LIG3: variants seen among roughly 807,000 people sequenced by gnomAD.
LIG3 encodes ligase II, DNA, ATP-dependent.
LIG3 carries 58 observed loss-of-function variants against 110.9 expected under a neutral mutation model. The observed-to-expected ratio is 0.52, with a 90% CI of 0.42 to 0.65. The LOEUF is 0.65. LIG3 is among the 30% of genes least tolerant of loss of function. The pLI, the probability that LIG3 is intolerant of heterozygous loss-of-function variation, is 0.00. For synonymous variants in LIG3, 422 were observed against 472.8 expected, an observed-to-expected ratio of 0.89 and a Z score of 1.39; for missense variants, 1,094 against 1,273.8, an observed-to-expected ratio of 0.86 and a Z score of 2.15.
chr17:35,003,138 T>C, intron 19 of LIG3: 2 of 1,575,250 alleles, frequency 1.3e-6, no homozygotes, highest in Non-Finnish European at 1.7e-6. Context: ...AAGACCAGTC[T>C]GGGTGTGGGA....
chr17:35,002,428 CCCTGGT>C (rs2090853077), intron 18 of LIG3, among the ~76,000 whole-genome samples: 1 of 152,144 alleles, frequency 6.6e-6, no homozygotes, highest in Admixed American at 6.5e-5. Flanking sequence ...CAGAGAAAGC[CCCTGGT>C]CCTTCCCATT....
Position 35,005,506 on chromosome 17 carries a change from G to T in LIG3, c.*1000G>T. On this transcript the variant is annotated 3_prime_UTR_variant, in exon 20 of 20. Coordinates refer to ENST00000378526, the MANE Select transcript of LIG3 (RefSeq NM_013975.4). ...TGAACGTGGGCATCAGAGGCCAGTA[G>T]CTTTCTTGGCCTACAAAGTAAATGG... The T allele has an allele frequency of 1.8e-6, 1 of 568,402 alleles. No individual in the cohort carries two copies. The allele number at this position is 568,402 out of a possible 1,614,324, so 35.2% of individuals were successfully genotyped here. A position where few individuals can be genotyped will look rare whatever the true frequency, so the allele number is the denominator to read the frequency against.
intron 2 of LIG3, among the ~76,000 whole-genome samples, chr17:34,985,680 C>T (rs2090647347): frequency 6.6e-6 from 1 of 152,144 alleles, no homozygotes; most frequent in Non-Finnish European, 1.5e-5. Context: ...TGATTTCCCC[C>T]AAATTGTTAT....
At position 35,001,333 on chromosome 17, in the gene LIG3, G is replaced by A. The variant is rs1458329738; in HGVS notation, c.2408G>A (p.Arg803Gln). ...EAHTADGISI[R>Q]FPRCTRIRDD... ...CATACAGCTGACGGGATCTCCATCC[G>A]ATTCCCTCGCTGCACCCGAATCCGA... Residue 803 changes from arginine to glutamine, a missense_variant, in exon 17 of 20, where the codon CGA becomes CAA. Transcript: ENST00000378526. 17 of 1,614,142 alleles carry A rather than the reference G, an allele frequency of 1.1e-5. No individual in the cohort carries two copies. The highest frequency in any genetic ancestry group is 3.3e-5 in the Admixed American group (2 of 60,024).
Position 34,991,642 on chromosome 17 carries a change from A to C in LIG3, c.1042-29A>C, listed in dbSNP as rs777976936. The C allele has an allele frequency of 3.1e-6, 5 of 1,610,992 alleles. No homozygotes were observed. In the Admixed American group the frequency reaches 8.3e-5, roughly 27 times the overall value. ...ATACACTTGGCCACCCTAGGGTTGCAGCAGTGGCATTTTGGTTTTTGGAGA... is the reference window on the plus strand; with the variant it reads ...ATACACTTGGCCACCCTAGGGTTGCCGCAGTGGCATTTTGGTTTTTGGAGA... On this transcript the variant is annotated intron_variant, in intron 5 of 19. Transcript: ENST00000378526.
In LIG3 at chr17:35,007,354, T is replaced by A. The variant is rs886666525; in HGVS notation, c.*2848T>A. ...TGAGATCTGACTGTATATACTATTT[T>A]GTATCCTTTCATGTATTTCTTTCAT... On this transcript the variant is annotated 3_prime_UTR_variant, in exon 20 of 20. Transcript: ENST00000378526. 1 of 152,278 alleles carries A rather than the reference T, an allele frequency of 6.6e-6. No individual in the cohort carries two copies. Among genetic ancestry groups the A allele is most frequent in the Non-Finnish European group, 1.5e-5 (1 of 68,058 alleles). 9.4% of individuals were successfully genotyped at this position (152,278 alleles called of 1,614,324 possible).
chr17:34,999,237 T>C, intron 14 of LIG3, 70 bp from the exon 15 acceptor site: 1 of 1,532,390 alleles, frequency 6.5e-7, no homozygotes, highest in Non-Finnish European at 8.8e-7. Flanking sequence ...GTCCTCTCCC[T>C]GGCCCTGGGC....
intron 9 of LIG3, among the ~76,000 whole-genome samples, chr17:34,995,536 C>A (rs769747465): frequency 2.0e-5 from 3 of 152,164 alleles, no homozygotes; most frequent in Non-Finnish European, 4.4e-5. Context: ...CATGGATGTG[C>A]TGGCCTTTCC....
At chr17:34,991,170 A>G (rs919629679) in intron 5 of LIG3, 56 bp downstream of exon 5, 1 of 1,530,262 alleles carries the variant, frequency 6.5e-7, no homozygotes. Context: ...TTGCCAAGCC[A>G]GGCACCTGCA....
rs771651645 is a variant in LIG3, at chr17:34,989,463, C to T, written c.692-3C>T. ...GAATTCATCTCTGTTGTTTCTCCAACAGCCAAGCCCAACAACTCTGGGGAA... is the reference window on the plus strand; with the variant it reads ...GAATTCATCTCTGTTGTTTCTCCAATAGCCAAGCCCAACAACTCTGGGGAA... On this transcript the variant is annotated splice_polypyrimidine_tract_variant and splice_region_variant and intron_variant, in intron 3 of 19. Transcript: ENST00000378526. 1.9e-6 allele frequency: 3 copies of T among 1,613,206 alleles called. No homozygotes were observed. The highest frequency in any genetic ancestry group is 2.2e-5 in the East Asian group (1 of 44,862).
At position 34,989,502 on chromosome 17, in the gene LIG3, C is replaced by T; in HGVS notation, c.728C>T (p.Pro243Leu). The change falls in exon 4 of 20, where the codon CCC becomes CTC. Residue 243 changes from proline (P) to leucine (L), a missense_variant. Pro to Leu is a moderately conservative substitution (Grantham distance 98). Coordinates refer to ENST00000378526, the MANE Select transcript of LIG3 (RefSeq NM_013975.4). Reference sequence around the variant, plus strand: ...AACTCTGGGGAAGCCCCCTCGAGCCCCACCCCTAAGAGAAGTCTGTCTTCA... The same window carrying T: ...AACTCTGGGGAAGCCCCCTCGAGCCTCACCCCTAAGAGAAGTCTGTCTTCA... ...PNNSGEAPSS[P>L]TPKRSLSSSK... is the part of the protein sequence containing the mutation. The T allele has an allele frequency of 1.2e-6, 2 of 1,614,072 alleles. No individual in the cohort carries two copies. Among genetic ancestry groups the T allele is most frequent in the Non-Finnish European group, 1.7e-6 (2 of 1,180,020 alleles).
At chr17:34,999,968 C>T (rs2142280295) in intron 16 of LIG3, 112 bp downstream of exon 16, 1 of 806,114 alleles carries the variant, frequency 1.2e-6, no homozygotes, top group African/African-American at 1.7e-5. Flanking sequence ...GGATAGGGGT[C>T]TGGATTTCCA....
At chr17:34,992,808 A>T (rs367798632) in intron 8 of LIG3, 116 bp downstream of exon 8, 1 of 1,072,262 alleles carries the variant, frequency 9.3e-7, no homozygotes. Flanking sequence ...GGAGAAGTTT[A>T]GGGAAGGAAG....
At chr17:34,987,691 C>T (rs1460648728) in intron 3 of LIG3, among the ~76,000 whole-genome samples, 3 of 152,200 alleles carry the variant, frequency 2.0e-5, no homozygotes, top group African/African-American at 7.2e-5. Flanking sequence ...GCAGCAGTGG[C>T]CTCTCCTACC....
intron 2 of LIG3, 77 bp downstream of exon 2, chr17:34,983,629 CTCT>C (rs2090627948): frequency 7.3e-7 from 1 of 1,372,072 alleles, no homozygotes. Flanking sequence ...TGCTTTCTTT[CTCT>C]TTTTTTTAAC....
intron 3 of LIG3, 22 bp downstream of exon 3, chr17:34,986,153 T>G: frequency 6.2e-7 from 1 of 1,612,192 alleles, no homozygotes; most frequent in Non-Finnish European, 8.5e-7. Context: ...TAGGGCTACT[T>G]TAGCTGTTAT....
At position 35,005,314 on chromosome 17, in the gene LIG3, C is replaced by T. The variant is rs866616611; in HGVS notation, c.*808C>T. The T allele has an allele frequency of 1.5e-5, 8 of 546,700 alleles. No homozygotes were observed. Among genetic ancestry groups the T allele is most frequent in the Middle Eastern group, 3.1e-4 (1 of 3,220 alleles). 33.9% of individuals were successfully genotyped at this position (546,700 alleles called of 1,614,324 possible). Reference sequence around the variant, plus strand: ...TTGCCACCAACATGGAGACTTTGTACCATATCCCATTCTTAGTGCTCGAGT... The same window carrying T: ...TTGCCACCAACATGGAGACTTTGTATCATATCCCATTCTTAGTGCTCGAGT... On this transcript the variant is annotated 3_prime_UTR_variant, in exon 20 of 20. Coordinates refer to ENST00000378526, the MANE Select transcript of LIG3 (RefSeq NM_013975.4).
chr17:34,997,794 G>A lies in LIG3; in HGVS notation c.1880G>A (p.Arg627Gln), dbSNP rs764607272. 11 of 1,614,078 alleles carry A rather than the reference G, an allele frequency of 6.8e-6. No individual in the cohort carries two copies. Among genetic ancestry groups the A allele is most frequent in the Middle Eastern group, 1.6e-4 (1 of 6,062 alleles). The change falls in exon 12 of 20, where the codon CGG becomes CAG. Residue 627 changes from arginine to glutamine, a missense_variant. Coordinates refer to ENST00000378526, the MANE Select transcript of LIG3 (RefSeq NM_013975.4). ...GACAACATGGTTGAAATTCCAAACC[G>A]GATCATGTTCTCAGAAATGAAGCGA... ...LHDNMVEIPN[R>Q]IMFSEMKRVT...
Position 34,989,780 on chromosome 17 carries a change from A to T in LIG3, c.889+117A>T, listed in dbSNP as rs1028501922. 5.6e-6 allele frequency: 5 copies of T among 896,860 alleles called. No individual in the cohort carries two copies. The African/African-American group carries it at 6.6e-5, about 12-fold the overall frequency. 55.6% of individuals were successfully genotyped at this position (896,860 alleles called of 1,614,324 possible). On this transcript the variant is annotated intron_variant, in intron 4 of 19. Transcript: ENST00000378526. ...GATCCCATGCTTGGTTTAATGCTGT[A>T]CTGTAGTGCTATCTGGAAATTCTTA... is the stretch of plus-strand genomic sequence containing the variant.
Sources: gnomAD v4.1 joint callset for allele counts (sites outside exome capture counted in the v4.1 genomes callset) on GRCh38, gnomAD v4.1.1 for gene constraint, MANE v1.5 for transcripts, NCBI Gene and HGNC (gene_info 2026-07-23, HGNC 2026-07-21) for gene names.